GALNT17: variants seen among roughly 807,000 people sequenced by gnomAD.
GALNT17 encodes the protein polypeptide N-acetylgalactosaminyltransferase 17.
GALNT17 carries 29 observed loss-of-function variants against 63.7 expected under a neutral mutation model. That is an observed-to-expected ratio of 0.46 (90% CI 0.34 to 0.62). The LOEUF (loss-of-function observed/expected upper bound fraction) is 0.62, where lower values mean the gene tolerates loss of function less well. GALNT17 is among the 20% of genes least tolerant of loss of function. GALNT17 has a pLI of 0.01. For missense variants in GALNT17, 603 were observed against 799.6 expected, an observed-to-expected ratio of 0.75 and a Z score of 2.97; for synonymous variants, 305 against 318.3, an observed-to-expected ratio of 0.96 and a Z score of 0.45.
At chr7:71,216,679 C>CAG (rs138341661) in intron 1 of GALNT17, among the ~76,000 whole-genome samples, 56,414 of 151,498 alleles carry the variant, frequency 0.37, 10,794 homozygotes, top group South Asian at 0.53. Flanking sequence ...CACACAGACA[C>CAG]AAACACACAC....
chr7:71,595,789 T>C (rs1789876875), intron 6 of GALNT17, among the ~76,000 whole-genome samples: 1 of 151,934 alleles, frequency 6.6e-6, no homozygotes, highest in Non-Finnish European at 1.5e-5. Flanking sequence ...ACAGATATTC[T>C]CCCAGTTCCA....
chr7:71,306,852 C>G (rs1055399424), intron 1 of GALNT17, among the ~76,000 whole-genome samples: 5 of 151,450 alleles, frequency 3.3e-5, no homozygotes, highest in Non-Finnish European at 5.9e-5. Flanking sequence ...GAGACAGAGT[C>G]TCGCTCTGTT....
At chr7:71,137,121 C>G (rs1340468107) in intron 1 of GALNT17, among the ~76,000 whole-genome samples, 4 of 125,052 alleles carry the variant, frequency 3.2e-5, no homozygotes, top group Non-Finnish European at 6.4e-5. Context: ...CTTTTAAGGG[C>G]TGGAATCATA....
intron 5 of GALNT17, among the ~76,000 whole-genome samples, chr7:71,503,483 C>A (rs527507968): frequency 6.6e-6 from 1 of 152,148 alleles, no homozygotes; most frequent in Non-Finnish European, 1.5e-5. Flanking sequence ...GCGATCTGCC[C>A]ACCCCGGCCT....
chr7:71,360,789 T>C lies in GALNT17; in HGVS notation c.422+25056T>C, dbSNP rs1792384579. 1.3e-5 allele frequency among the ~76,000 whole-genome samples: 2 copies of C among 152,042 alleles called. 1 individual carries two copies. The highest frequency in any genetic ancestry group is 4.2e-4 in the South Asian group (2 of 4,802). ...CTCTACTAAAAAAAACCCACAAAAA[T>C]TAGCTGGGTATGGTGGCGGGTCCCT... On this transcript the variant is annotated intron_variant, in intron 2 of 10. Coordinates refer to ENST00000333538, the MANE Select transcript of GALNT17 (RefSeq NM_022479.3).
intron 2 of GALNT17, among the ~76,000 whole-genome samples, chr7:71,345,469 A>G (rs1371499250): frequency 6.6e-6 from 1 of 152,182 alleles, no homozygotes; most frequent in African/African-American, 2.4e-5. Flanking sequence ...CTTTCAGCAC[A>G]ACAAATTCTA....
intron 2 of GALNT17, among the ~76,000 whole-genome samples, chr7:71,358,036 C>T (rs952262369): frequency 5.3e-5 from 8 of 152,150 alleles, no homozygotes; most frequent in African/African-American, 1.9e-4. Flanking sequence ...GCAACCCGCT[C>T]GGGTCCCCTT....
chr7:71,693,612 CAT>C (rs1417237032), intron 9 of GALNT17, among the ~76,000 whole-genome samples: 12 of 145,260 alleles, frequency 8.3e-5, no homozygotes. Flanking sequence ...CACGTGGACA[CAT>C]AGAAGGGAAT....
At chr7:71,542,482 G>A (rs1430815095) in intron 5 of GALNT17, among the ~76,000 whole-genome samples, 3 of 152,016 alleles carry the variant, frequency 2.0e-5, no homozygotes, top group African/African-American at 7.2e-5. Flanking sequence ...AGATCACGAG[G>A]TCAGGAGATC....
intron 6 of GALNT17, among the ~76,000 whole-genome samples, chr7:71,656,661 G>T (rs186169261): frequency 3.3e-5 from 5 of 152,164 alleles, no homozygotes; most frequent in Non-Finnish European, 7.4e-5. Context: ...TGATGAGGGA[G>T]GAGAAAATGA....
rs71089954 is a variant in GALNT17 at position 71,540,093 on chromosome 7, C to CTT, written c.963-31158_963-31157dup. ...ACAGTTGTGAGCCACTGTGCCTGGC[C>CTT]TTTTTTTTTTTTTTTTTTTTTTTTT... On this transcript the variant is annotated intron_variant, in intron 5 of 10. Transcript: ENST00000333538. Among the ~76,000 whole-genome samples the CTT allele has an allele frequency of 8.9e-4, 30 of 33,538 alleles. 3 individuals are homozygous for CTT. Among genetic ancestry groups the CTT allele is most frequent in the East Asian group, 2.1e-3 (2 of 962 alleles). 22.0% of individuals were successfully genotyped at this position (33,538 alleles called of 152,430 possible). A position where few individuals can be genotyped will look rare whatever the true frequency, so the allele number is the denominator to read the frequency against.
chr7:71,361,437 C>T (rs374487357), intron 2 of GALNT17, among the ~76,000 whole-genome samples: 15 of 152,124 alleles, frequency 9.9e-5, no homozygotes, highest in Non-Finnish European at 1.6e-4. Flanking sequence ...CTTCCCCTTT[C>T]GATATTCCTC....
At chr7:71,423,106 C>T (rs890850480) in intron 5 of GALNT17, among the ~76,000 whole-genome samples, 2 of 152,104 alleles carry the variant, frequency 1.3e-5, no homozygotes, top group African/African-American at 2.4e-5. Flanking sequence ...ACTGTGGTCC[C>T]GGGTTTTTAT....
chr7:71,538,804 G>C (rs780812780), intron 5 of GALNT17, among the ~76,000 whole-genome samples: 1 of 151,902 alleles, frequency 6.6e-6, no homozygotes, highest in Non-Finnish European at 1.5e-5. Context: ...GGAAGGGAAG[G>C]AGGAAGGAGG....
intron 1 of GALNT17, among the ~76,000 whole-genome samples, chr7:71,264,992 A>G (rs912599268): frequency 9.3e-5 from 14 of 150,636 alleles, no homozygotes; most frequent in African/African-American, 2.4e-4. Flanking sequence ...AATGTTCCCA[A>G]TTCATAGAAA....
chr7:71,398,653 A>G (rs887885991), intron 3 of GALNT17, among the ~76,000 whole-genome samples: 2 of 152,034 alleles, frequency 1.3e-5, no homozygotes, highest in African/African-American at 4.8e-5. Flanking sequence ...TTATCTCTTA[A>G]ATAGTGATTA....
chr7:71,561,934 G>A (rs538529188), intron 5 of GALNT17, among the ~76,000 whole-genome samples: 1 of 152,072 alleles, frequency 6.6e-6, no homozygotes, highest in African/African-American at 2.4e-5. Flanking sequence ...ACAGGCTATG[G>A]ATCAGCAGAT....
intron 2 of GALNT17, among the ~76,000 whole-genome samples, chr7:71,351,215 A>G (rs1271510828): frequency 6.6e-6 from 1 of 152,150 alleles, no homozygotes; most frequent in Non-Finnish European, 1.5e-5. Context: ...GACAGAAAGA[A>G]TAGTGCCTAG....
At position 71,686,561 on chromosome 7, in the gene GALNT17, T is replaced by TA. The variant is rs61202268; in HGVS notation, c.1500+9258dup. Among the ~76,000 whole-genome samples, 751 of 150,748 alleles carry TA rather than the reference T, an allele frequency of 5.0e-3. 10 individuals are homozygous for TA. Among genetic ancestry groups the TA allele is most frequent in the African/African-American group, 0.014 (595 of 41,066 alleles). ...ATACCAGGCTTTTTTATTTTTTTTT[T>TA]AAATTTTTGTAGAGATAGGGATCTC... On this transcript the variant is annotated intron_variant, in intron 9 of 10. Coordinates refer to ENST00000333538, the MANE Select transcript of GALNT17 (RefSeq NM_022479.3).
Sources: gnomAD v4.1 joint callset for allele counts (sites outside exome capture counted in the v4.1 genomes callset) on GRCh38, gnomAD v4.1.1 for gene constraint, MANE v1.5 for transcripts, NCBI Gene and HGNC (gene_info 2026-07-23, HGNC 2026-07-21) for gene names.